ETS1: variants seen among roughly 807,000 people sequenced by gnomAD.
The protein encoded by ETS1 is protein C-ets-1.
Under a neutral mutation model 58.6 loss-of-function variants are expected in ETS1, and 15 were observed. The observed-to-expected ratio is 0.26, with a 90% confidence interval of 0.17 to 0.39. The LOEUF is 0.39. Ranked by LOEUF, ETS1 falls within the 10% of genes least tolerant of loss-of-function variation. ETS1 has a pLI of 1.00. For missense variants in ETS1, 417 were observed against 610.5 expected (o/e 0.68, Z 3.34); for synonymous variants, 214 against 218.2 (o/e 0.98, Z 0.17).
intron 2 of ETS1, among the ~76,000 whole-genome samples, chr11:128,561,819 C>G (rs1009473476): frequency 2.6e-5 from 4 of 152,080 alleles, no homozygotes; most frequent in African/African-American, 9.7e-5. Context: ...TGGAGGGTCT[C>G]TAAGGTGAAT....
intron 8 of ETS1, among the ~76,000 whole-genome samples, chr11:128,466,312 C>T (rs573656498): frequency 1.3e-5 from 2 of 152,268 alleles, no homozygotes; most frequent in Admixed American, 6.5e-5. Flanking sequence ...TGACACCAAG[C>T]CGAGGAAAGG....
intron 3 of ETS1, among the ~76,000 whole-genome samples, chr11:128,525,345 T>G (rs1020630119): frequency 6.8e-4 from 104 of 152,014 alleles, no homozygotes; most frequent in African/African-American, 2.5e-3. Context: ...TTTATACTCC[T>G]CCCTCAACTC....
rs1293634747 is a variant in ETS1 at position 128,585,055 on chromosome 11, A to G, written c.-15+2433T>C. 1.0e-3 allele frequency among the ~76,000 whole-genome samples: 29 copies of G among 27,696 alleles called. 4 individuals are homozygous for G. The highest frequency in any genetic ancestry group is 7.2e-3 in the Middle Eastern group (1 of 138). The allele number at this position is 27,696 out of a possible 152,430, so 18.2% of individuals were successfully genotyped here. ...AGAAAAGAAAGAAAGAAAGAAAGAA[A>G]GAAAGAAAGAAAGAAAGAAAGAGAA... On this transcript the variant is annotated intron_variant, in intron 1 of 9. Transcript: ENST00000392668.
intron 1 of ETS1, among the ~76,000 whole-genome samples, chr11:128,585,392 C>A (rs1865014387): frequency 1.3e-5 from 2 of 151,444 alleles, no homozygotes. Context: ...GTAATCATTC[C>A]CTTCTGCTGT....
chr11:128,547,296 G>T (rs1009561474), intron 3 of ETS1, among the ~76,000 whole-genome samples: 1 of 152,174 alleles, frequency 6.6e-6, no homozygotes, highest in South Asian at 2.1e-4. Flanking sequence ...TAACCTCTTT[G>T]GGAGTCTCAG....
chr11:128,486,765 C>G lies in ETS1; in HGVS notation c.536-619G>C, dbSNP rs80309144. 2.3e-3 allele frequency among the ~76,000 whole-genome samples: 350 copies of G among 152,298 alleles called. 1 individual carries two copies. Among genetic ancestry groups the G allele is most frequent in the African/African-American group, 8.2e-3 (339 of 41,556 alleles). Reference sequence around the variant, plus strand: ...AGAGCAACCCAGTCAAGCTCCTGCCCAGATGCCAACTCCCCTAGGAAAAGG... The same window carrying G: ...AGAGCAACCCAGTCAAGCTCCTGCCGAGATGCCAACTCCCCTAGGAAAAGG... On this transcript the variant is annotated intron_variant, in intron 5 of 9. Coordinates refer to ENST00000392668, the MANE Select transcript of ETS1 (RefSeq NM_001143820.2).
intron 3 of ETS1, among the ~76,000 whole-genome samples, chr11:128,499,410 C>T (rs988658490): frequency 9.3e-6 from 1 of 107,246 alleles, no homozygotes. Context: ...TATGATTTTT[C>T]AAAACAAGCA....
At chr11:128,521,832 C>G (rs1260575694) in intron 3 of ETS1, 2 of 1,127,114 alleles carry the variant, frequency 1.8e-6, no homozygotes, top group Non-Finnish European at 2.5e-6. Context: ...CAGAAGGGAA[C>G]GGCGAAAGGG....
intron 7 of ETS1, among the ~76,000 whole-genome samples, chr11:128,483,861 C>T (rs1004594171): frequency 6.6e-6 from 1 of 152,224 alleles, no homozygotes; most frequent in Admixed American, 6.5e-5. Flanking sequence ...CTGACCCAAG[C>T]CCCGCTTGAT....
chr11:128,462,881 C>T (rs1279485099), intron 9 of ETS1, among the ~76,000 whole-genome samples: 1 of 152,228 alleles, frequency 6.6e-6, no homozygotes, highest in Non-Finnish European at 1.5e-5. Context: ...TATACATTCT[C>T]CTCTTTCCGC....
chr11:128,543,123 G>A (rs1169655380), intron 3 of ETS1, among the ~76,000 whole-genome samples: 1 of 151,652 alleles, frequency 6.6e-6, no homozygotes, highest in Admixed American at 6.6e-5. Flanking sequence ...AACCCTGGAG[G>A]CGGAAGTTGC....
intron 5 of ETS1, among the ~76,000 whole-genome samples, chr11:128,487,439 G>C (rs1406550807): frequency 7.9e-5 from 12 of 152,150 alleles, no homozygotes; most frequent in Admixed American, 7.2e-4. Flanking sequence ...TAAATTTTAA[G>C]TTAAATAAAA....
At chr11:128,498,905 A>G (rs1863012823) in intron 3 of ETS1, among the ~76,000 whole-genome samples, 1 of 152,236 alleles carries the variant, frequency 6.6e-6, no homozygotes, top group Admixed American at 6.5e-5. Context: ...ACCACATGAC[A>G]TACTTTATAG....
chr11:128,538,178 T>C (rs1372818409), intron 3 of ETS1, among the ~76,000 whole-genome samples: 2 of 152,210 alleles, frequency 1.3e-5, no homozygotes, highest in Non-Finnish European at 2.9e-5. Context: ...TTAAATGAGA[T>C]TTAAACAACT....
chr11:128,465,346 C>T (rs1162216042), intron 8 of ETS1, among the ~76,000 whole-genome samples: 1 of 152,212 alleles, frequency 6.6e-6, no homozygotes, highest in African/African-American at 2.4e-5. Flanking sequence ...GAGGGCCGCA[C>T]TGGTAAAGCC....
chr11:128,513,995 CA>C (rs1253049291), intron 3 of ETS1, among the ~76,000 whole-genome samples: 1 of 152,006 alleles, frequency 6.6e-6, no homozygotes. Context: ...TAATTGCACA[CA>C]AAAAAAGTAA....
chr11:128,461,470 G>A lies in ETS1; in HGVS notation c.*891C>T, dbSNP rs1025871813. 5.2e-5 allele frequency: 8 copies of A among 152,550 alleles called. No homozygotes were observed. The highest frequency in any genetic ancestry group is 2.1e-4 in the South Asian group (1 of 4,802). 9.4% of individuals were successfully genotyped at this position (152,550 alleles called of 1,614,324 possible). A position where few individuals can be genotyped will look rare whatever the true frequency, so the allele number is the denominator to read the frequency against. ...TAGCTCAACATTAAGTCCAAACCCCGAGAATCCACTGATAACAAGTAAGTA... is the reference window on the plus strand; with the variant it reads ...TAGCTCAACATTAAGTCCAAACCCCAAGAATCCACTGATAACAAGTAAGTA... On this transcript the variant is annotated 3_prime_UTR_variant, in exon 10 of 10. Transcript: ENST00000392668.
chr11:128,557,103 C>T lies in ETS1; in HGVS notation c.70-668G>A, dbSNP rs77213896. ...AGGTCATGTTTTGCTGTGTTTAAAA[C>T]CCTAGGCTTTGAAGCCAGGTATACA... On this transcript the variant is annotated intron_variant, in intron 2 of 9. Coordinates refer to ENST00000392668, the MANE Select transcript of ETS1 (RefSeq NM_001143820.2). 1.1e-3 allele frequency among the ~76,000 whole-genome samples: 171 copies of T among 152,310 alleles called. 1 individual carries two copies. Among genetic ancestry groups the T allele is most frequent in the African/African-American group, 3.9e-3 (164 of 41,558 alleles).
At chr11:128,490,797 C>T (rs1227553851) in intron 3 of ETS1, among the ~76,000 whole-genome samples, 1 of 147,850 alleles carries the variant, frequency 6.8e-6, no homozygotes, top group Non-Finnish European at 1.5e-5. Flanking sequence ...CAGCTCACTA[C>T]AACCTCTGCC....
Sources: allele counts gnomAD v4.1 joint callset (sites outside exome capture counted in the v4.1 genomes callset), GRCh38; gene constraint gnomAD v4.1.1; transcripts MANE v1.5; gene names NCBI Gene and HGNC (gene_info 2026-07-23, HGNC 2026-07-21).